GRID2: variants seen among roughly 807,000 people sequenced by gnomAD.
GRID2 encodes the protein glutamate receptor ionotropic, delta-2.
In GRID2, 33 loss-of-function variants were observed where a neutral mutation model predicts 114.8. The observed-to-expected ratio is 0.29, with a 90% CI of 0.22 to 0.38. The LOEUF (loss-of-function observed/expected upper bound fraction) is 0.38. Among genes scored for constraint, GRID2 ranks in the 10% least tolerant of loss-of-function variants. The pLI is 1.00. For missense variants in GRID2, 1,184 were observed against 1,257.7 expected (o/e 0.94, Z 0.89); for synonymous variants, 505 against 449.9 (o/e 1.12, Z -1.55).
chr4:92,759,700 G>GT (rs1425526889), intron 2 of GRID2, among the ~76,000 whole-genome samples: 6 of 151,848 alleles, frequency 4.0e-5, no homozygotes, highest in African/African-American at 1.2e-4. Context: ...CACCTCCCAG[G>GT]TACAAGGATT....
At position 93,760,673 on chromosome 4, in the gene GRID2, T is replaced by C. The variant is rs1578755034; in HGVS notation, c.2361-8537T>C. Reference sequence around the variant, plus strand: ...TCATTAAGCATGTGTAGTAATTCTTTACCAATTCTAAAAAACTACTAATTA... The same window carrying C: ...TCATTAAGCATGTGTAGTAATTCTTCACCAATTCTAAAAAACTACTAATTA... On this transcript the variant is annotated intron_variant, in intron 14 of 15. Coordinates refer to ENST00000282020, the MANE Select transcript of GRID2 (RefSeq NM_001510.4). Among the ~76,000 whole-genome samples the C allele has an allele frequency of 2.6e-5, 4 of 152,344 alleles. No individual in the cohort carries two copies. The East Asian group carries it at 7.7e-4, about 29-fold the overall frequency.
At chr4:92,650,118 G>T (rs1362474848) in intron 2 of GRID2, among the ~76,000 whole-genome samples, 2 of 151,944 alleles carry the variant, frequency 1.3e-5, no homozygotes, top group African/African-American at 4.8e-5. Flanking sequence ...TAGGAGAGGG[G>T]AAAAACAATA....
intron 8 of GRID2, among the ~76,000 whole-genome samples, chr4:93,334,692 G>A (rs1758847330): frequency 1.3e-5 from 2 of 152,158 alleles, no homozygotes; most frequent in Non-Finnish European, 2.9e-5. Flanking sequence ...GTCTTGGGAG[G>A]CTGAGGCAGG....
chr4:93,578,656 C>T (rs1265222340), intron 13 of GRID2, among the ~76,000 whole-genome samples: 2 of 136,220 alleles, frequency 1.5e-5, no homozygotes, highest in African/African-American at 2.8e-5. Context: ...TGCAGTGGCT[C>T]GATCTTGGGT....
chr4:93,066,608 T>A (rs982439222), intron 2 of GRID2, among the ~76,000 whole-genome samples: 2 of 152,026 alleles, frequency 1.3e-5, no homozygotes, highest in Non-Finnish European at 1.5e-5. Flanking sequence ...AATTTCTTTT[T>A]CTTTTTGTAT....
At chr4:93,511,527 G>A (rs1729181150) in intron 12 of GRID2, among the ~76,000 whole-genome samples, 1 of 152,034 alleles carries the variant, frequency 6.6e-6, no homozygotes, top group Non-Finnish European at 1.5e-5. Context: ...GAGCAGCAAA[G>A]CATTTTCTTT....
At chr4:92,886,826 C>T (rs1247117068) in intron 2 of GRID2, among the ~76,000 whole-genome samples, 2 of 152,100 alleles carry the variant, frequency 1.3e-5, no homozygotes. Context: ...GGGGTTTCAC[C>T]GTGTTAGCCA....
chr4:92,545,122 T>C (rs1160365701), intron 1 of GRID2, among the ~76,000 whole-genome samples: 1 of 152,020 alleles, frequency 6.6e-6, no homozygotes, highest in African/African-American at 2.4e-5. Flanking sequence ...TAAGCTGACT[T>C]TTAGCTTCAA....
chr4:92,600,137 C>T (rs1378674611), intron 2 of GRID2, among the ~76,000 whole-genome samples: 1 of 139,672 alleles, frequency 7.2e-6, no homozygotes, highest in Admixed American at 7.5e-5. Flanking sequence ...AAGCAGTTGA[C>T]AAATCAAAGT....
Position 92,717,137 on chromosome 4 carries a change from G to C in GRID2, c.244+126851G>C, listed in dbSNP as rs374148662. Among the ~76,000 whole-genome samples, 7 of 152,278 alleles carry C rather than the reference G, an allele frequency of 4.6e-5. No individual in the cohort carries two copies. In the East Asian group the frequency reaches 1.4e-3, roughly 29 times the overall value. On this transcript the variant is annotated intron_variant, in intron 2 of 15. Coordinates refer to ENST00000282020, the MANE Select transcript of GRID2 (RefSeq NM_001510.4). The stretch of plus-strand genomic sequence containing the variant: ...AATGTGAATGAGGGGAGGGTAAAGA[G>C]AGGCAGAGGCAGAACAACAACCTAT...
intron 2 of GRID2, among the ~76,000 whole-genome samples, chr4:92,931,671 A>C (rs2149521040): frequency 6.6e-6 from 1 of 150,672 alleles, no homozygotes; most frequent in African/African-American, 2.4e-5. Context: ...TAGAGTAACC[A>C]AAATAACCTG....
At chr4:92,724,787 T>G (rs1286793028) in intron 2 of GRID2, among the ~76,000 whole-genome samples, 1 of 152,132 alleles carries the variant, frequency 6.6e-6, no homozygotes, top group Non-Finnish European at 1.5e-5. Context: ...CACGAAGTAT[T>G]TAGAGTAATT....
chr4:93,401,251 T>C (rs936803247), intron 9 of GRID2, among the ~76,000 whole-genome samples: 4 of 152,092 alleles, frequency 2.6e-5, no homozygotes, highest in African/African-American at 9.7e-5. Context: ...AATAATTCAA[T>C]ATATAAATTG....
chr4:92,906,473 C>G (rs533747583), intron 2 of GRID2, among the ~76,000 whole-genome samples: 1 of 133,592 alleles, frequency 7.5e-6, no homozygotes, highest in Admixed American at 7.8e-5. Flanking sequence ...GCTTTCATGC[C>G]CCTCAGGCTT....
intron 10 of GRID2, among the ~76,000 whole-genome samples, chr4:93,437,510 A>C (rs1721209740): frequency 6.6e-6 from 1 of 152,128 alleles, no homozygotes; most frequent in African/African-American, 2.4e-5. Context: ...TTCAGATAGG[A>C]GTTCAGACAG....
chr4:92,434,830 G>A (rs1732651433), intron 1 of GRID2, among the ~76,000 whole-genome samples: 1 of 151,944 alleles, frequency 6.6e-6, no homozygotes, highest in South Asian at 2.1e-4. Context: ...ATTTCCTACT[G>A]GATATGTGAG....
chr4:93,463,316 C>T (rs2149423075), intron 11 of GRID2, among the ~76,000 whole-genome samples: 1 of 152,266 alleles, frequency 6.6e-6, no homozygotes, highest in Non-Finnish European at 1.5e-5. Flanking sequence ...CATTGGTTTA[C>T]ATTCCTAATG....
At chr4:93,292,772 G>T (rs1201840482) in intron 8 of GRID2, among the ~76,000 whole-genome samples, 1 of 152,156 alleles carries the variant, frequency 6.6e-6, no homozygotes, top group Non-Finnish European at 1.5e-5. Context: ...GAAACATAAA[G>T]TTTGGCTTGC....
chr4:92,668,530 A>T (rs948971411), intron 2 of GRID2, among the ~76,000 whole-genome samples: 5 of 151,750 alleles, frequency 3.3e-5, no homozygotes, highest in Non-Finnish European at 7.4e-5. Flanking sequence ...CCTTACCTTA[A>T]ATTTTAGTGG....
Sources: allele counts gnomAD v4.1 joint callset (sites outside exome capture counted in the v4.1 genomes callset), GRCh38; gene constraint gnomAD v4.1.1; transcripts MANE v1.5; gene names NCBI Gene and HGNC (gene_info 2026-07-23, HGNC 2026-07-21).